RABGEF1: variants seen among roughly 807,000 people sequenced by gnomAD.
RABGEF1 encodes rab5 GDP/GTP exchange factor.
In RABGEF1, 26 loss-of-function variants were observed where a neutral mutation model predicts 57.3. The observed-to-expected ratio is 0.45, with a 90% CI of 0.33 to 0.63. RABGEF1 has a LOEUF of 0.63. RABGEF1 is among the 20% of genes least tolerant of loss of function. The pLI is 0.02. For missense variants in RABGEF1, 464 were observed against 607.6 expected, an observed-to-expected ratio of 0.76 and a Z score of 2.48; for synonymous variants, 185 against 210.7, an observed-to-expected ratio of 0.88 and a Z score of 1.06.
chr7:66,690,423 C>T (rs1171096427), intron 1 of RABGEF1, among the ~76,000 whole-genome samples: 2 of 149,962 alleles, frequency 1.3e-5, no homozygotes, highest in East Asian at 4.1e-4. Flanking sequence ...TAAGTAAACA[C>T]TGCCAAACTG....
At chr7:66,733,254 T>G (rs983402325) in intron 2 of RABGEF1, among the ~76,000 whole-genome samples, 1 of 152,190 alleles carries the variant, frequency 6.6e-6, no homozygotes, top group Non-Finnish European at 1.5e-5. Context: ...GTGTCCACAC[T>G]GCCTCCCCAC....
chr7:66,762,283 A>G (rs1804612128), intron 1 of RABGEF1, among the ~76,000 whole-genome samples: 2 of 152,298 alleles, frequency 1.3e-5, no homozygotes, highest in African/African-American at 4.8e-5. Flanking sequence ...GTAAATAAAA[A>G]ATATTTATTA....
At chr7:66,730,955 T>C (rs961155397) in intron 2 of RABGEF1, among the ~76,000 whole-genome samples, 3 of 152,010 alleles carry the variant, frequency 2.0e-5, no homozygotes, top group African/African-American at 7.2e-5. Context: ...GTGGGGTGGA[T>C]TCGGGGAGAA....
chr7:66,688,814 C>G (rs1369487974), intron 1 of RABGEF1, among the ~76,000 whole-genome samples: 3 of 152,126 alleles, frequency 2.0e-5, no homozygotes, highest in Non-Finnish European at 4.4e-5. Flanking sequence ...AATAAGAAAG[C>G]CAGGAGTGGT....
At chr7:66,728,191 A>G (rs771300815) in intron 2 of RABGEF1, among the ~76,000 whole-genome samples, 2 of 152,156 alleles carry the variant, frequency 1.3e-5, no homozygotes, top group Admixed American at 6.5e-5. Flanking sequence ...GGGAGGGCCT[A>G]TCCCTAAGCA....
intron 1 of RABGEF1, among the ~76,000 whole-genome samples, chr7:66,751,311 G>A (rs1014195203): frequency 6.6e-6 from 1 of 152,162 alleles, no homozygotes; most frequent in Non-Finnish European, 1.5e-5. Context: ...CATTACAGGC[G>A]TGAGCCACCG....
At chr7:66,767,096 C>A (rs186082619) in intron 1 of RABGEF1, among the ~76,000 whole-genome samples, 2 of 150,864 alleles carry the variant, frequency 1.3e-5, no homozygotes, top group East Asian at 1.9e-4. Flanking sequence ...TCCATCTCCC[C>A]GGTTCATGCG....
chr7:66,748,182 G>GTGT (rs1800663697), intron 1 of RABGEF1, among the ~76,000 whole-genome samples: 1 of 152,204 alleles, frequency 6.6e-6, no homozygotes, highest in Non-Finnish European at 1.5e-5. Context: ...TTGTGTGTTA[G>GTGT]TAAAACTCCT....
intron 1 of RABGEF1, among the ~76,000 whole-genome samples, chr7:66,741,553 A>G (rs1435277430): frequency 1.3e-5 from 2 of 152,072 alleles, no homozygotes; most frequent in East Asian, 3.9e-4. Context: ...CGGTTGGGAA[A>G]TGTGTCGTGG....
the RABGEF1 span, among the ~76,000 whole-genome samples, chr7:66,673,943 T>C: frequency 1.3e-5 from 2 of 152,168 alleles, no homozygotes; most frequent in African/African-American, 4.8e-5. Flanking sequence ...TTTAAGAAAA[T>C]GCAATATGTG....
chr7:66,668,548 G>T, the RABGEF1 span, among the ~76,000 whole-genome samples: 2 of 152,180 alleles, frequency 1.3e-5, no homozygotes, highest in Non-Finnish European at 2.9e-5. Flanking sequence ...CCTCTGGAGA[G>T]GGGGGGATTG....
Position 66,799,379 on chromosome 7 carries a change from C to T in RABGEF1, c.785C>T (p.Pro262Leu). The T allele has an allele frequency of 1.9e-6, 3 of 1,612,492 alleles. No individual in the cohort carries two copies. The South Asian group carries it at 3.3e-5, about 18-fold the overall frequency. Residue 262 changes from proline (P) to leucine (L), a missense_variant, in exon 7 of 9, where the codon CCA becomes CTA. Transcript: ENST00000284957. ...MLCVPVNEDIPEVSDMVVKAI... is the reference protein window; with the variant it reads ...MLCVPVNEDILEVSDMVVKAI... ...TGTGTCCCTGTTAATGAAGACATCC[C>T]AGAAGTGTCTGATATGGTGGTGAAG...
chr7:66,714,404 T>C (rs770914431), intron 2 of RABGEF1, among the ~76,000 whole-genome samples: 27 of 152,324 alleles, frequency 1.8e-4, no homozygotes, highest in Non-Finnish European at 1.5e-4. Context: ...GAATTTGTAG[T>C]GATATCACGT....
rs1404429569 is a variant in RABGEF1 at position 66,783,845 on chromosome 7, G to A, written c.513+4G>A. On this transcript the variant is annotated splice_donor_region_variant and intron_variant, in intron 4 of 8. Transcript: ENST00000284957. ...GGAAGGAATGCATTACAAAAGGGTA[G>A]GTTGAGAATAACCACGTAGAAACAT... The A allele has an allele frequency of 1.2e-6, 2 of 1,610,846 alleles. No individual in the cohort carries two copies. Among genetic ancestry groups the A allele is most frequent in the South Asian group, 2.2e-5 (2 of 90,622 alleles).
intron 8 of RABGEF1, among the ~76,000 whole-genome samples, chr7:66,805,627 TTGGGCATCACTCCCCACGGTCC>T (rs1176025743): frequency 6.6e-6 from 1 of 152,230 alleles, no homozygotes; most frequent in Non-Finnish European, 1.5e-5. Context: ...ATGACATGTG[TTGGGCATCACTCCCCACGGTCC>T]TGGGTAGAAG....
At chr7:66,661,553 C>A in the RABGEF1 span, among the ~76,000 whole-genome samples, 7 of 151,404 alleles carry the variant, frequency 4.6e-5, no homozygotes, top group African/African-American at 1.5e-4. Flanking sequence ...AGCCTGGGGG[C>A]CAAGAGCGAG....
intron 2 of RABGEF1, among the ~76,000 whole-genome samples, chr7:66,773,057 C>G (rs1200762636): frequency 1.3e-5 from 2 of 151,066 alleles, no homozygotes; most frequent in African/African-American, 2.4e-5. Flanking sequence ...AAATGGAATT[C>G]TGCCAACTCC....
the RABGEF1 span, among the ~76,000 whole-genome samples, chr7:66,673,724 C>T: frequency 1.6e-4 from 24 of 151,486 alleles, no homozygotes; most frequent in African/African-American, 3.9e-4. Context: ...ACTCTGAGCA[C>T]TAAATAATCT....
the RABGEF1 span, among the ~76,000 whole-genome samples, chr7:66,667,954 C>A: frequency 1.3e-5 from 2 of 152,094 alleles, no homozygotes; most frequent in Non-Finnish European, 2.9e-5. Context: ...CATGCCACCA[C>A]GCCTGGCTGA....
Sources: gnomAD v4.1 joint callset for allele counts (sites outside exome capture counted in the v4.1 genomes callset) on GRCh38, gnomAD v4.1.1 for gene constraint, MANE v1.5 for transcripts, NCBI Gene and HGNC (gene_info 2026-07-23, HGNC 2026-07-21) for gene names.